CFAP99: variants seen among roughly 807,000 people sequenced by gnomAD.
CFAP99 encodes the protein cilia and flagella associated protein 99, also known as cilia- and flagella-associated protein 99.
A neutral mutation model predicts 82.7 loss-of-function variants in CFAP99; 84 were observed. The observed-to-expected ratio is 1.02, with a 90% CI of 0.85 to 1.22. The LOEUF (loss-of-function observed/expected upper bound fraction) is 1.22, where lower values mean the gene tolerates loss of function less well. Among genes scored for constraint, CFAP99 ranks in the 50% most tolerant of loss-of-function variants. The pLI is 0.00. For synonymous variants in CFAP99, 456 were observed against 429.5 expected (o/e 1.06, Z -0.76); for missense variants, 1,059 against 983.5 (o/e 1.08, Z -1.03).
intron 4 of CFAP99, among the ~76,000 whole-genome samples, chr4:2,441,372 C>CAAA (rs35201791): frequency 1.3e-4 from 16 of 120,112 alleles, no homozygotes; most frequent in Non-Finnish European, 2.1e-4. Context: ...GACTCCATCT[C>CAAA]AAAAAAAAAA....
At chr4:2,436,814 C>T in intron 2 of CFAP99, 60 bp from the exon 3 acceptor site, 3 of 1,413,426 alleles carry the variant, frequency 2.1e-6, no homozygotes, top group Non-Finnish European at 2.9e-6. Flanking sequence ...TGTCCCACCC[C>T]CACCGCCGCC....
At position 2,458,718 on chromosome 4, in the gene CFAP99, G is replaced by A; in HGVS notation, c.1162-5G>A. The A allele has an allele frequency of 6.5e-7, 1 of 1,532,268 alleles. No individual in the cohort carries two copies. The highest frequency in any genetic ancestry group is 8.7e-7 in the Non-Finnish European group (1 of 1,145,054). The allele number at this position is 1,532,268 out of a possible 1,614,324, so 94.9% of individuals were successfully genotyped here. On this transcript the variant is annotated splice_polypyrimidine_tract_variant and splice_region_variant and intron_variant, in intron 11 of 14. Transcript: ENST00000635017. ...CTCACCGTGGCAGGTCCGCTGTCTG[G>A]GCAGATGGCCAAGCTGATGCTGCAG...
At chr4:2,445,352 G>T in intron 6 of CFAP99, 44 bp downstream of exon 6, 1 of 1,282,824 alleles carries the variant, frequency 7.8e-7, no homozygotes. Context: ...GCAGGCATCA[G>T]GGTAGCCAAG....
chr4:2,459,213 C>T (rs559612499), exon 13 of CFAP99: 182 of 1,535,678 alleles, frequency 1.2e-4, no homozygotes, highest in Middle Eastern at 1.7e-4. Flanking sequence ...TGCGCGCACT[C>T]GAGACACAGC....
chr4:2,450,079 C>A, intron 8 of CFAP99, 74 bp downstream of exon 8: 2 of 1,408,662 alleles, frequency 1.4e-6, no homozygotes, highest in South Asian at 1.2e-5. Flanking sequence ...CCTCCCAACG[C>A]CATCGCAGTG....
At chr4:2,445,863 GC>G (rs1209823039) in intron 6 of CFAP99, among the ~76,000 whole-genome samples, 4 of 152,338 alleles carry the variant, frequency 2.6e-5, no homozygotes, top group African/African-American at 7.2e-5. Flanking sequence ...CAGGGTTCCA[GC>G]TCTGCTTCTC....
rs1476737225 is a variant in CFAP99 at position 2,462,429 on chromosome 4, G to A, written c.1662-14G>A. 80 of 1,420,444 alleles carry A rather than the reference G, an allele frequency of 5.6e-5. No homozygotes were observed. Among genetic ancestry groups the A allele is most frequent in the Non-Finnish European group, 7.3e-5 (80 of 1,100,376 alleles). The allele number at this position is 1,420,444 out of a possible 1,614,324, so 88.0% of individuals were successfully genotyped here. A position where few individuals can be genotyped will look rare whatever the true frequency, so the allele number is the denominator to read the frequency against. ...CCGCCGGCCTGCTCCTGAGCCCGCC[G>A]CGTCGCCCGCCAGGTGGGAGGAAAA... On this transcript the variant is annotated splice_polypyrimidine_tract_variant and intron_variant, in intron 14 of 14. Transcript: ENST00000635017. The surrounding 1 kb of genome is among the most constrained non-coding windows in gnomAD (Gnocchi z 4.1).
intron 4 of CFAP99, among the ~76,000 whole-genome samples, chr4:2,439,134 G>A (rs1388123715): frequency 1.3e-5 from 2 of 152,256 alleles, no homozygotes. Context: ...GGTTTTCCCG[G>A]ACACTCATGG....
chr4:2,447,143 CAGATGGGT>C (rs1208067358), intron 6 of CFAP99, among the ~76,000 whole-genome samples: 1 of 144,262 alleles, frequency 6.9e-6, no homozygotes, highest in Non-Finnish European at 1.5e-5. Context: ...GATAGATGAT[CAGATGGGT>C]AGATGGATGA....
intron 4 of CFAP99, among the ~76,000 whole-genome samples, chr4:2,441,154 T>C (rs1734028903): frequency 1.3e-5 from 2 of 151,656 alleles, no homozygotes; most frequent in African/African-American, 4.8e-5. Context: ...GTGTATCCCT[T>C]GAGGTCAGGA....
chr4:2,421,838 T>A (rs905545404), intron 1 of CFAP99, among the ~76,000 whole-genome samples: 15 of 147,142 alleles, frequency 1.0e-4, no homozygotes, highest in Non-Finnish European at 1.9e-4. Context: ...GGCCAGGAGT[T>A]CAAGACCAGC....
intron 4 of CFAP99, among the ~76,000 whole-genome samples, chr4:2,440,906 A>T (rs994242566): frequency 7.2e-5 from 11 of 151,882 alleles, no homozygotes; most frequent in Admixed American, 5.9e-4. Flanking sequence ...AATTTTTTTT[A>T]AATTAGCCTG....
At chr4:2,460,136 C>T (rs866605210) in exon 14 of CFAP99, 21 of 1,535,978 alleles carry the variant, frequency 1.4e-5, no homozygotes, top group Non-Finnish European at 1.7e-5. Flanking sequence ...GGAAGAAAAG[C>T]GGGATCAAAT....
rs1436754255 is a variant in CFAP99 at position 2,418,982 on chromosome 4, C to A, written c.-129C>A. ...CAAACAGCCGCGGCGTCCTGCCTACCGGGAGCTGACGGACGACGACTGCCA... is the reference window on the plus strand; with the variant it reads ...CAAACAGCCGCGGCGTCCTGCCTACAGGGAGCTGACGGACGACGACTGCCA... On this transcript the variant is annotated 5_prime_UTR_variant, in exon 1 of 15. Coordinates refer to ENST00000635017, the Ensembl canonical transcript of CFAP99. The surrounding 1 kb of genome is among the most constrained non-coding windows in gnomAD (Gnocchi z 4.6). 1 of 152,170 alleles carries A rather than the reference C, an allele frequency of 6.6e-6. No homozygotes were observed. The highest frequency in any genetic ancestry group is 1.5e-5 in the Non-Finnish European group (1 of 68,022). The allele number at this position is 152,170 out of a possible 1,614,324, so 9.4% of individuals were successfully genotyped here. A position where few individuals can be genotyped will look rare whatever the true frequency, so the allele number is the denominator to read the frequency against.
intron 1 of CFAP99, among the ~76,000 whole-genome samples, chr4:2,423,276 C>T (rs373892843): frequency 2.6e-5 from 4 of 152,362 alleles, no homozygotes; most frequent in South Asian, 4.1e-4. Context: ...TGCACCACAC[C>T]GCACCGCACC....
At chr4:2,445,304 G>A (rs1734139793) in exon 6 of CFAP99, 1 of 1,345,454 alleles carries the variant, frequency 7.4e-7, no homozygotes, top group East Asian at 3.0e-5. Flanking sequence ...GCCAAGCCGA[G>A]ACCCGTGAGT....
rs376761732 is a variant in CFAP99 at position 2,437,942 on chromosome 4, C to T, written c.257-128C>T. On this transcript the variant is annotated intron_variant, in intron 3 of 14. Transcript: ENST00000635017. ...TGTTCGCTTATCATTTTCAGGTGGG[C>T]ACCAATAGGGTGGGGGTTTTCCTGT... 1.7e-4 allele frequency: 100 copies of T among 594,008 alleles called. 1 individual carries two copies. The highest frequency in any genetic ancestry group is 8.3e-4 in the East Asian group (29 of 34,846). The allele number at this position is 594,008 out of a possible 1,614,324, so 36.8% of individuals were successfully genotyped here.
chr4:2,443,506 G>A (rs934618752), intron 5 of CFAP99, among the ~76,000 whole-genome samples: 7 of 152,228 alleles, frequency 4.6e-5, no homozygotes, highest in African/African-American at 7.2e-5. Context: ...GACACGTGGC[G>A]GGTGGCTGAA....
chr4:2,426,051 C>T (rs1034211210), intron 1 of CFAP99, among the ~76,000 whole-genome samples: 14 of 152,216 alleles, frequency 9.2e-5, no homozygotes, highest in Non-Finnish European at 2.9e-5. Flanking sequence ...GAGGGACGCT[C>T]AGAGGCTGTT....
Sources: gnomAD v4.1 joint callset for allele counts (sites outside exome capture counted in the v4.1 genomes callset) on GRCh38, gnomAD v4.1.1 for gene constraint, Gnocchi (gnomAD v3.1) non-coding constraint, MANE v1.5 for transcripts, NCBI Gene and HGNC (gene_info 2026-07-23, HGNC 2026-07-21) for gene names.